Variants in PLXNB1 observed in about 807,000 individuals in gnomAD.
PLXNB1 encodes plexin-B1.
PLXNB1 carries 106 observed loss-of-function variants against 209.4 expected under a neutral mutation model. That is an observed-to-expected ratio of 0.51 (90% confidence interval 0.43 to 0.59). The LOEUF is 0.59. Ranked by LOEUF, PLXNB1 falls within the 20% of genes least tolerant of loss-of-function variation. PLXNB1 has a pLI of 0.00. For synonymous variants in PLXNB1, 1,167 were observed against 1,183.2 expected, an observed-to-expected ratio of 0.99 and a Z score of 0.28; for missense variants, 2,357 against 2,853.2, an observed-to-expected ratio of 0.83 and a Z score of 3.96.
intron 10 of PLXNB1, 32 bp from the exon 11 acceptor site, chr3:48,420,289 G>C (rs1297819969): frequency 7.2e-7 from 1 of 1,390,208 alleles, no homozygotes; most frequent in South Asian, 1.3e-5. Flanking sequence ...GACAGGAAGG[G>C]CCACTCAGCA....
chr3:48,413,564 G>T lies in PLXNB1; in HGVS notation c.4535+106C>A. 8.3e-7 allele frequency: 1 copy of T among 1,201,776 alleles called. No individual in the cohort carries two copies. Among genetic ancestry groups the T allele is most frequent in the Non-Finnish European group, 1.1e-6 (1 of 873,092 alleles). The allele number at this position is 1,201,776 out of a possible 1,614,324, so 74.4% of individuals were successfully genotyped here. Reference sequence around the variant, plus strand: ...TGCAAAGCGAAAATATTTACTCTCTGGCCATTTACAGAGAATGTTTCCTGA... The same window carrying T: ...TGCAAAGCGAAAATATTTACTCTCTTGCCATTTACAGAGAATGTTTCCTGA... On this transcript the variant is annotated intron_variant, in intron 23 of 37. Transcript: ENST00000296440. This position sits in a 1 kb window ranked among gnomAD's most constrained non-coding sequence, Gnocchi z 5.4.
At chr3:48,420,585 C>T in intron 10 of PLXNB1, 80 bp downstream of exon 10, 1 of 1,163,086 alleles carries the variant, frequency 8.6e-7, no homozygotes, top group South Asian at 1.3e-5. Context: ...CATAGGCAGA[C>T]AGACCCCGGG....
Position 48,413,871 on chromosome 3 carries a change from C to T in PLXNB1, c.4386+24G>A. 1 of 1,606,442 alleles carries T rather than the reference C, an allele frequency of 6.2e-7. No homozygotes were observed. The highest frequency in any genetic ancestry group is 1.3e-5 in the African/African-American group (1 of 74,920). On this transcript the variant is annotated intron_variant, in intron 22 of 37. Coordinates refer to ENST00000296440, the MANE Select transcript of PLXNB1 (RefSeq NM_001130082.3). This position sits in a 1 kb window ranked among gnomAD's most constrained non-coding sequence, Gnocchi z 5.4. Reference sequence around the variant, plus strand: ...GGTTTGGCCCAGGTCAATGCCCAGCCCGGCCAGGGACCTGCCCACTGACCG... The same window carrying T: ...GGTTTGGCCCAGGTCAATGCCCAGCTCGGCCAGGGACCTGCCCACTGACCG...
rs1421782303 is a variant in PLXNB1 at position 48,420,690 on chromosome 3, G to C, written c.2003C>G (p.Ala668Gly). Residue 668 changes from alanine (A) to glycine (G), a missense_variant, in exon 10 of 38, where the codon GCT becomes GGT. This residue lies in a region of PLXNB1 where 214 missense variants were observed against 297.1 expected (regional missense o/e 0.72). Coordinates refer to ENST00000296440, the MANE Select transcript of PLXNB1 (RefSeq NM_001130082.3). ...HLCTHKASCD[A>G]GPMVASHQSP... ...CTGATGGCTTGCAACCATGGGCCCAGCATCACACGAGGCCTTGTGGGTGCA... is the reference window on the plus strand; with the variant it reads ...CTGATGGCTTGCAACCATGGGCCCACCATCACACGAGGCCTTGTGGGTGCA... 1.9e-6 allele frequency: 3 copies of C among 1,613,864 alleles called. No homozygotes were observed. In the South Asian group the frequency reaches 3.3e-5, roughly 18 times the overall value.
intron 4 of PLXNB1, 57 bp downstream of exon 4, chr3:48,422,708 T>C: frequency 6.4e-7 from 1 of 1,557,452 alleles, no homozygotes; most frequent in Non-Finnish European, 8.8e-7. Context: ...GCTGGGTCCC[T>C]AGCAATCTGT....
Position 48,416,532 on chromosome 3 carries a change from C to T in PLXNB1, c.3375-81G>A, listed in dbSNP as rs34104277. The T allele has an allele frequency of 8.0e-6, 7 of 872,502 alleles. No individual in the cohort carries two copies. Among genetic ancestry groups the T allele is most frequent in the South Asian group, 6.4e-5 (4 of 62,112 alleles). 54.0% of individuals were successfully genotyped at this position (872,502 alleles called of 1,614,324 possible). On this transcript the variant is annotated intron_variant, in intron 16 of 37. Transcript: ENST00000296440. The surrounding 1 kb of genome is among the most constrained non-coding windows in gnomAD (Gnocchi z 4.1). ...TTACCTGGCAGCCCCTCTCCCTGCC[C>T]TACTGTCAGGTGGTCTTCCCCTTCC...
chr3:48,418,837 G>C lies in PLXNB1; in HGVS notation c.2955+80C>G. On this transcript the variant is annotated intron_variant, in intron 13 of 37. Transcript: ENST00000296440. The surrounding 1 kb of genome is among the most constrained non-coding windows in gnomAD (Gnocchi z 6.6). ...GTCAGAGCGTGGCTCTGGAAAGTGT[G>C]GTGCAGCCAGCTACAGTTGGCAGCC... The C allele has an allele frequency of 6.4e-7, 1 of 1,556,842 alleles. No individual in the cohort carries two copies. Among genetic ancestry groups the C allele is most frequent in the Non-Finnish European group, 8.8e-7 (1 of 1,135,724 alleles).
rs761765283 is a variant in PLXNB1 at position 48,414,069 on chromosome 3, C to A, written c.4212G>T (p.Gly1404=). 1 of 1,613,666 alleles carries A rather than the reference C, an allele frequency of 6.2e-7. No homozygotes were observed. The change falls in exon 22 of 38, where the codon GGG becomes GGT. Residue 1404 remains glycine (G), a splice_region_variant and synonymous_variant. Coordinates refer to ENST00000296440, the MANE Select transcript of PLXNB1 (RefSeq NM_001130082.3). ...HKPGSVFSVE[G]ENLDLAMSKE... is the part of the protein sequence containing the mutation. ...TGGACATTGCAAGGTCCAGGTTCTC[C>A]CCCTGGAACAGAGGGTCACCGATCA...
At chr3:48,428,584 G>C (rs2039015240) in intron 1 of PLXNB1, among the ~76,000 whole-genome samples, 1 of 152,180 alleles carries the variant, frequency 6.6e-6, no homozygotes, top group African/African-American at 2.4e-5. Flanking sequence ...CATTTGCCTT[G>C]CCTGCCAGTT....
chr3:48,419,256 C>T lies in PLXNB1; in HGVS notation c.2820G>A (p.Leu940=). The T allele has an allele frequency of 6.3e-7, 1 of 1,581,730 alleles. No individual in the cohort carries two copies. The highest frequency in any genetic ancestry group is 8.6e-7 in the Non-Finnish European group (1 of 1,161,398). The part of the protein sequence containing the change: ...EREIRLLGRN[L]HLFQDGPGDN... ...AGGACACACTGACCTGGAAAAGGTG[C>T]AGGTTCCTGCCTAGCAGCCGGATTT... The change falls in exon 12 of 38, where the codon CTG becomes CTA. Residue 940 remains leucine, a synonymous_variant. Coordinates refer to ENST00000296440, the MANE Select transcript of PLXNB1 (RefSeq NM_001130082.3). The surrounding 1 kb of genome is among the most constrained non-coding windows in gnomAD (Gnocchi z 5.7).
Position 48,410,680 on chromosome 3 carries a change from C to A in PLXNB1, c.5417-122G>T. The A allele has an allele frequency of 1.0e-6, 1 of 994,684 alleles. No individual in the cohort carries two copies. The allele number at this position is 994,684 out of a possible 1,614,324, so 61.6% of individuals were successfully genotyped here. A position where few individuals can be genotyped will look rare whatever the true frequency, so the allele number is the denominator to read the frequency against. ...ATGGGGCAGCCTTACTCAACCTCTCCAAAGACCAAGAGCAGGGACCCCCTC... is the reference window on the plus strand; with the variant it reads ...ATGGGGCAGCCTTACTCAACCTCTCAAAAGACCAAGAGCAGGGACCCCCTC... On this transcript the variant is annotated intron_variant, in intron 29 of 37. Coordinates refer to ENST00000296440, the MANE Select transcript of PLXNB1 (RefSeq NM_001130082.3). This position sits in a 1 kb window ranked among gnomAD's most constrained non-coding sequence, Gnocchi z 6.4.
Position 48,421,693 on chromosome 3 carries a change from C to T in PLXNB1, c.1634G>A (p.Ser545Asn). 1 of 1,606,230 alleles carries T rather than the reference C, an allele frequency of 6.2e-7. No homozygotes were observed. The highest frequency in any genetic ancestry group is 8.5e-7 in the Non-Finnish European group (1 of 1,173,730). Residue 545 changes from serine to asparagine, a missense_variant, in exon 7 of 38, where the codon AGC becomes AAC. Transcript: ENST00000296440. ...QVAAMSPANI[S>N]REETREVFLS... ...ATTCACCTCCCTCGTCTCCTCTCGGCTGATGTTGGCAGGACTCATGGCTGC... is the reference window on the plus strand; with the variant it reads ...ATTCACCTCCCTCGTCTCCTCTCGGTTGATGTTGGCAGGACTCATGGCTGC...
At position 48,409,991 on chromosome 3, in the gene PLXNB1, G is replaced by T. The variant is rs763817743; in HGVS notation, c.5692C>A (p.Pro1898Thr). The T allele has an allele frequency of 1.2e-6, 2 of 1,612,782 alleles. No homozygotes were observed. Among genetic ancestry groups the T allele is most frequent in the African/African-American group, 2.7e-5 (2 of 75,042 alleles). Residue 1898 changes from proline (P) to threonine (T), a missense_variant, in exon 32 of 38, where the codon CCT (proline) becomes ACT (threonine). Transcript: ENST00000296440. This position sits in a 1 kb window ranked among gnomAD's most constrained non-coding sequence, Gnocchi z 5.8. ...KPSDEPEPPR[P>T]RRGSLRGGER... is the part of the protein sequence containing the mutation. ...CCGCCCCGAAGGCTGCCCCTCCGAG[G>T]CCTGGGCGGCTCCGGCTCATCACTT... is the stretch of plus-strand genomic sequence containing the variant.
intron 2 of PLXNB1, 110 bp from the exon 3 acceptor site, chr3:48,424,727 A>G: frequency 8.5e-7 from 1 of 1,181,402 alleles, no homozygotes; most frequent in East Asian, 2.6e-5. Context: ...CTCCTAACCT[A>G]GGGGGTGAGC....
rs1025436718 is a variant in PLXNB1, at chr3:48,406,523, G to A, written c.6228+300C>T. The A allele has an allele frequency of 3.7e-5, 36 of 962,278 alleles. No individual in the cohort carries two copies. The highest frequency in any genetic ancestry group is 7.0e-5 in the African/African-American group (4 of 56,744). The allele number at this position is 962,278 out of a possible 1,614,324, so 59.6% of individuals were successfully genotyped here. A position where few individuals can be genotyped will look rare whatever the true frequency, so the allele number is the denominator to read the frequency against. ...AAGGGAAGCACAGCAGTGGGAAGAC[G>A]CATGCAGGCAGACCCAGGCAGGCCT... is the stretch of plus-strand genomic sequence containing the variant. On this transcript the variant is annotated intron_variant, in intron 36 of 37. Transcript: ENST00000296440. The surrounding 1 kb of genome is among the most constrained non-coding windows in gnomAD (Gnocchi z 4.4).
chr3:48,421,142 T>C, intron 8 of PLXNB1, 86 bp downstream of exon 8: 1 of 1,492,566 alleles, frequency 6.7e-7, no homozygotes, highest in Non-Finnish European at 9.1e-7. Context: ...CATTCATGGC[T>C]CTTTGCCTGG....
Position 48,424,322 on chromosome 3 carries a change from G to A in PLXNB1, c.290C>T (p.Pro97Leu), listed in dbSNP as rs768902647. The change falls in exon 3 of 38, where the codon CCG (proline) becomes CTG (leucine). Residue 97 changes from proline to leucine, a missense_variant. Transcript: ENST00000296440. ...ECPQAQPTNN[P>L]NQLLLVSPGA... ...TGGGCTCACCAGGAGCAGCTGATTC[G>A]GGTTGTTGGTAGGCTGGGCCTGGGG... The A allele has an allele frequency of 8.3e-6, 13 of 1,559,424 alleles. No individual in the cohort carries two copies. The highest frequency in any genetic ancestry group is 2.4e-5 in the South Asian group (2 of 84,864).
At chr3:48,407,176 A>G (rs1202390582) in intron 34 of PLXNB1, 85 bp from the exon 35 acceptor site, 13 of 1,256,444 alleles carry the variant, frequency 1.0e-5, no homozygotes, top group African/African-American at 3.0e-5. Context: ...TGGGTTTCCC[A>G]GTACTGCTTC....
At chr3:48,420,819 C>G (rs2038462466) in intron 9 of PLXNB1, 29 bp downstream of exon 9, 3 of 1,611,930 alleles carry the variant, frequency 1.9e-6, no homozygotes, top group Non-Finnish European at 2.5e-6. Context: ...CAGGGAAGCC[C>G]AGGCCTGGGG....
Sources: allele counts gnomAD v4.1 joint callset (sites outside exome capture counted in the v4.1 genomes callset), GRCh38; gene constraint gnomAD v4.1.1; regional missense constraint gnomAD v4.1.1; non-coding constraint Gnocchi (gnomAD v3.1); transcripts MANE v1.5; gene names NCBI Gene and HGNC (gene_info 2026-07-23, HGNC 2026-07-21).